Variants in INTS4 observed in about 807,000 individuals in gnomAD.
INTS4 encodes MSTP093.
In INTS4, 70 loss-of-function variants were observed where a neutral mutation model predicts 119.5. The ratio of observed to expected loss-of-function variants is 0.59; its 90% CI spans 0.48 to 0.71. INTS4 has a LOEUF of 0.71. Ranked by LOEUF, INTS4 falls within the 30% of genes least tolerant of loss-of-function variation. INTS4 has a pLI of 0.00. For missense variants in INTS4, 867 were observed against 1,173.2 expected (o/e 0.74, Z 3.81); for synonymous variants, 316 against 419.6 (o/e 0.75, Z 3.02).
chr11:77,992,388 T>C (rs1856730111), intron 1 of INTS4, among the ~76,000 whole-genome samples: 1 of 151,476 alleles, frequency 6.6e-6, no homozygotes, highest in African/African-American at 2.4e-5. Flanking sequence ...CGAAACTCCA[T>C]CTCAAAACAG....
Position 77,891,446 on chromosome 11 carries a change from G to A in INTS4, c.2465C>T (p.Ala822Val), listed in dbSNP as rs772845673. The change falls in exon 21 of 23, where the codon GCC (alanine) becomes GTC (valine). Residue 822 changes from alanine to valine, a missense_variant. Around this residue, in one of 5 missense-constraint regions of INTS4, gnomAD observed 262 missense variants for 376.0 expected, o/e 0.70. Transcript: ENST00000534064. ...PLPEQIHKAS[A>V]TIIEPAGESD... ...CTCGCCCGCTGGCTCGATGATGGTG[G>A]CTGAGGCTTTGTGGATCTGTAAGCA... The A allele has an allele frequency of 3.1e-6, 5 of 1,613,730 alleles. No homozygotes were observed.
At position 77,900,625 on chromosome 11, in the gene INTS4, C is replaced by G. The variant is rs904559661; in HGVS notation, c.2228+796G>C. 4.3e-6 allele frequency: 3 copies of G among 699,202 alleles called. No individual in the cohort carries two copies. In the African/African-American group the frequency reaches 5.3e-5, roughly 12 times the overall value. 43.3% of individuals were successfully genotyped at this position (699,202 alleles called of 1,614,324 possible). A position where few individuals can be genotyped will look rare whatever the true frequency, so the allele number is the denominator to read the frequency against. The stretch of plus-strand genomic sequence containing the variant: ...GAGCTGGCAATGAGTCACCTAAGTA[C>G]TTTTTTGTATCAAATCTATGATGCC... On this transcript the variant is annotated intron_variant, in intron 18 of 22. Transcript: ENST00000534064.
At chr11:77,923,143 C>A (rs906481620) in intron 12 of INTS4, among the ~76,000 whole-genome samples, 2 of 152,010 alleles carry the variant, frequency 1.3e-5, no homozygotes, top group African/African-American at 4.8e-5. Flanking sequence ...CATGGTGAAA[C>A]CCCATCTCTG....
intron 18 of INTS4, among the ~76,000 whole-genome samples, chr11:77,896,335 T>C (rs1952517083): frequency 2.0e-5 from 3 of 151,952 alleles, no homozygotes; most frequent in Non-Finnish European, 4.4e-5. Flanking sequence ...TAAACTGAAA[T>C]GATAAACTAA....
At chr11:77,942,107 A>G (rs1953941900) in intron 8 of INTS4, among the ~76,000 whole-genome samples, 1 of 152,152 alleles carries the variant, frequency 6.6e-6, no homozygotes, top group Admixed American at 6.6e-5. Context: ...ATTCAATTAT[A>G]TGTCTACAGT....
intron 1 of INTS4, among the ~76,000 whole-genome samples, chr11:77,993,620 A>G (rs995497820): frequency 2.8e-5 from 4 of 141,504 alleles, no homozygotes; most frequent in African/African-American, 8.5e-5. Context: ...TGTAAATTTT[A>G]TATTATGTAT....
At chr11:77,990,898 A>T (rs747871045) in intron 2 of INTS4, among the ~76,000 whole-genome samples, 1 of 151,990 alleles carries the variant, frequency 6.6e-6, no homozygotes, top group African/African-American at 2.4e-5. Flanking sequence ...TATCATTGAC[A>T]TGTCTTGTTT....
At chr11:77,964,194 T>C (rs1171349730) in intron 4 of INTS4, among the ~76,000 whole-genome samples, 2 of 152,122 alleles carry the variant, frequency 1.3e-5, no homozygotes, top group East Asian at 1.9e-4. Context: ...AGAGGATAAA[T>C]GAGAACTTTG....
chr11:77,898,174 T>C (rs928268045), intron 18 of INTS4, among the ~76,000 whole-genome samples: 1 of 152,084 alleles, frequency 6.6e-6, no homozygotes, highest in Non-Finnish European at 1.5e-5. Flanking sequence ...AAATTATTAT[T>C]ATTATTTGAG....
At position 77,918,570 on chromosome 11, in the gene INTS4, A is replaced by G. The variant is rs144093877; in HGVS notation, c.1922+251T>C. The stretch of plus-strand genomic sequence containing the variant: ...TCATCCTAATATATAAAATTAAAAA[A>G]CTAAAAACAGGTTCTTTGTAACTAT... On this transcript the variant is annotated intron_variant, in intron 15 of 22. Coordinates refer to ENST00000534064, the MANE Select transcript of INTS4 (RefSeq NM_033547.4). 1,707 of 383,610 alleles carry G rather than the reference A, an allele frequency of 4.4e-3. 25 individuals are homozygous for G. Among genetic ancestry groups the G allele is most frequent in the African/African-American group, 0.029 (1,435 of 49,302 alleles). 23.8% of individuals were successfully genotyped at this position (383,610 alleles called of 1,614,324 possible).
intron 7 of INTS4, among the ~76,000 whole-genome samples, chr11:77,956,286 T>A (rs1026910794): frequency 2.0e-5 from 3 of 152,120 alleles, no homozygotes; most frequent in Non-Finnish European, 4.4e-5. Flanking sequence ...TGGCATGCGC[T>A]GATAGTCCCA....
At chr11:77,942,333 C>T (rs1034241627) in intron 8 of INTS4, among the ~76,000 whole-genome samples, 11 of 151,974 alleles carry the variant, frequency 7.2e-5, no homozygotes, top group East Asian at 1.9e-4. Flanking sequence ...AATCACAGTG[C>T]GAATGCCAAG....
At position 77,980,980 on chromosome 11, in the gene INTS4, G is replaced by A. The variant is rs1448043589; in HGVS notation, c.364+479C>T. Among the ~76,000 whole-genome samples, 8 of 151,520 alleles carry A rather than the reference G, an allele frequency of 5.3e-5. No homozygotes were observed. The South Asian group carries it at 8.3e-4, about 16-fold the overall frequency. On this transcript the variant is annotated intron_variant, in intron 3 of 22. Transcript: ENST00000534064. Reference sequence around the variant, plus strand: ...TGCACTCCAGCCTGGGAGACAGAGCGAGACTCCGTTAAAAAAAAAAAAAGT... The same window carrying A: ...TGCACTCCAGCCTGGGAGACAGAGCAAGACTCCGTTAAAAAAAAAAAAAGT...
intron 7 of INTS4, among the ~76,000 whole-genome samples, chr11:77,957,131 C>T (rs1268199446): frequency 6.6e-6 from 1 of 152,076 alleles, no homozygotes; most frequent in African/African-American, 2.4e-5. Flanking sequence ...AGATGGTTCA[C>T]CATGTTGCCC....
At chr11:77,908,791 A>C (rs1231172460) in intron 15 of INTS4, among the ~76,000 whole-genome samples, 1 of 152,282 alleles carries the variant, frequency 6.6e-6, no homozygotes, top group East Asian at 1.9e-4. Context: ...TTATTTTCCG[A>C]GTTTTTAAGA....
At position 77,928,354 on chromosome 11, in the gene INTS4, C is replaced by G; in HGVS notation, c.1359G>C (p.Leu453=). The G allele has an allele frequency of 6.2e-7, 1 of 1,612,886 alleles. No individual in the cohort carries two copies. The highest frequency in any genetic ancestry group is 8.5e-7 in the Non-Finnish European group (1 of 1,179,424). ...TLREDQLDTV[L]AVLEDSSRDI... is the part of the protein sequence containing the mutation. ...TAGAAACACTCACCTCTAGCACAGC[C>G]AGGACAGTGTCAAGCTGATCTTCTC... is the stretch of plus-strand genomic sequence containing the variant. The change falls in exon 11 of 23, where the codon CTG becomes CTC. Residue 453 remains leucine (L), a synonymous_variant. Transcript: ENST00000534064.
intron 8 of INTS4, among the ~76,000 whole-genome samples, chr11:77,945,865 T>G (rs1424037352): frequency 2.6e-5 from 4 of 152,210 alleles, no homozygotes; most frequent in African/African-American, 4.8e-5. Context: ...CAACTGGTCC[T>G]GTGGTAGCCC....
In INTS4 at chr11:77,878,877, T is replaced by C. The variant is rs1951682991; in HGVS notation, c.*72A>G. On this transcript the variant is annotated 3_prime_UTR_variant, in exon 23 of 23. Coordinates refer to ENST00000534064, the MANE Select transcript of INTS4 (RefSeq NM_033547.4). Reference sequence around the variant, plus strand: ...GCCTACACATCAATTCCAGGTGAAGTGCTTCAGGCTTGGCTCATTCTGACA... The same window carrying C: ...GCCTACACATCAATTCCAGGTGAAGCGCTTCAGGCTTGGCTCATTCTGACA... 4 of 1,086,602 alleles carry C rather than the reference T, an allele frequency of 3.7e-6. No individual in the cohort carries two copies. Among genetic ancestry groups the C allele is most frequent in the Non-Finnish European group, 5.7e-6 (4 of 703,330 alleles). The allele number at this position is 1,086,602 out of a possible 1,614,324, so 67.3% of individuals were successfully genotyped here.
chr11:77,893,022 C>G (rs1312908272), intron 19 of INTS4, among the ~76,000 whole-genome samples: 1 of 152,188 alleles, frequency 6.6e-6, no homozygotes, highest in East Asian at 1.9e-4. Context: ...ATAAAAACCT[C>G]AGGTTTGGTG....
Sources: gnomAD v4.1 joint callset for allele counts (sites outside exome capture counted in the v4.1 genomes callset) on GRCh38, gnomAD v4.1.1 for gene constraint, gnomAD v4.1.1 regional missense constraint, MANE v1.5 for transcripts, NCBI Gene and HGNC (gene_info 2026-07-23, HGNC 2026-07-21) for gene names.